GABRA3: variants seen among roughly 807,000 people sequenced by gnomAD.
GABRA3 encodes the protein gamma-aminobutyric acid type A receptor subunit alpha3, also known as gamma-aminobutyric acid receptor subunit alpha-3.
In GABRA3, 10 loss-of-function variants were observed where a neutral mutation model predicts 30.1. The observed-to-expected ratio is 0.33, with a 90% CI of 0.20 to 0.56. The LOEUF is 0.56. Ranked by LOEUF, GABRA3 falls within the 20% of genes least tolerant of loss-of-function variation. The pLI is 0.89. For synonymous variants in GABRA3, 151 were observed against 146.8 expected (o/e 1.03, Z -0.21); for missense variants, 233 against 392.0 (o/e 0.59, Z 3.42).
intron 5 of GABRA3, among the ~76,000 whole-genome samples, chrX:152,241,930 G>A (rs947288029): frequency 2.7e-5 from 3 of 111,504 alleles, no homozygotes; most frequent in African/African-American, 9.8e-5. Context: ...GATAAACCCG[G>A]TACCTCAGAT....
chrX:152,183,266 T>C (rs147208295), intron 9 of GABRA3, among the ~76,000 whole-genome samples: 6,389 of 110,399 alleles, frequency 0.058, 375 homozygotes, highest in African/African-American at 0.18. Flanking sequence ...GATATTCCAT[T>C]TCCTCATGAT....
intron 3 of GABRA3, among the ~76,000 whole-genome samples, chrX:152,291,710 T>A (rs1379627017): frequency 9.0e-6 from 1 of 111,631 alleles, no homozygotes; most frequent in Non-Finnish European, 1.9e-5. Flanking sequence ...TATTGAGAGT[T>A]TTTAGCATGA....
At chrX:152,445,034 C>A (rs1237462089) in intron 1 of GABRA3, among the ~76,000 whole-genome samples, 147 of 62,863 alleles carry the variant, frequency 2.3e-3, no homozygotes, top group African/African-American at 9.6e-3. Context: ...GCACTCCAGC[C>A]TGGGCAACAG....
chrX:152,270,255 T>TC (rs1192710551), intron 4 of GABRA3, among the ~76,000 whole-genome samples: 4 of 110,495 alleles, frequency 3.6e-5, no homozygotes, highest in Admixed American at 1.9e-4. Flanking sequence ...TAAGAGGCTT[T>TC]CCCCCCCTTT....
chrX:152,237,299 T>A (rs747115369), intron 5 of GABRA3, among the ~76,000 whole-genome samples: 4,625 of 109,285 alleles, frequency 0.042, 286 homozygotes, highest in African/African-American at 0.15. Context: ...AAAGATCAGA[T>A]AGTTGTAGAT....
At chrX:152,174,375 C>T (rs914354488) in intron 9 of GABRA3, among the ~76,000 whole-genome samples, 1 of 111,988 alleles carries the variant, frequency 8.9e-6, no homozygotes, top group East Asian at 2.8e-4. Context: ...CACTGACTTC[C>T]GCAATGGTTG....
chrX:152,202,741 C>T (rs1239362011), intron 7 of GABRA3, among the ~76,000 whole-genome samples: 1 of 111,858 alleles, frequency 8.9e-6, no homozygotes, highest in East Asian at 2.8e-4. Context: ...CATTTGGTTA[C>T]CTCATAGAGC....
intron 2 of GABRA3, among the ~76,000 whole-genome samples, chrX:152,347,735 A>G (rs1254936943): frequency 8.9e-6 from 1 of 111,938 alleles, no homozygotes; most frequent in Non-Finnish European, 1.9e-5. Context: ...CCTCCTGGTG[A>G]CTGTTGATAT....
intron 5 of GABRA3, among the ~76,000 whole-genome samples, chrX:152,229,615 G>A (rs1938028859): frequency 9.1e-6 from 1 of 109,961 alleles, no homozygotes; most frequent in Admixed American, 9.9e-5. Flanking sequence ...TGCCCAGGGT[G>A]CTCAAGAAAT....
chrX:152,362,280 C>T (rs1055275833), intron 2 of GABRA3, among the ~76,000 whole-genome samples: 30 of 109,450 alleles, frequency 2.7e-4, no homozygotes, highest in Non-Finnish European at 5.1e-4. Flanking sequence ...AAAGTCACTA[C>T]CAAGGAATAA....
At chrX:152,182,609 A>C (rs1270139593) in intron 9 of GABRA3, among the ~76,000 whole-genome samples, 17 of 41,079 alleles carry the variant, frequency 4.1e-4, no homozygotes, top group Non-Finnish European at 7.0e-4. Flanking sequence ...TATATACTAT[A>C]TATGCATATA....
At chrX:152,423,057 T>C (rs758973433) in intron 1 of GABRA3, among the ~76,000 whole-genome samples, 8 of 112,160 alleles carry the variant, frequency 7.1e-5, no homozygotes, top group Non-Finnish European at 1.3e-4. Context: ...ATGCTTGTAA[T>C]TATATTTTGA....
intron 1 of GABRA3, among the ~76,000 whole-genome samples, chrX:152,397,968 C>A (rs978018914): frequency 3.6e-5 from 4 of 112,034 alleles, no homozygotes; most frequent in African/African-American, 1.3e-4. Context: ...AATTGACACC[C>A]TCTAAGGCTA....
intron 3 of GABRA3, among the ~76,000 whole-genome samples, chrX:152,315,294 C>T (rs931722231): frequency 9.0e-6 from 1 of 111,247 alleles, no homozygotes. Flanking sequence ...GGAGCTGAGA[C>T]AATTTAGAGA....
chrX:152,256,049 C>G (rs1938631882), intron 4 of GABRA3, 51 bp from the exon 5 acceptor site: 2 of 913,604 alleles, frequency 2.2e-6, no homozygotes, highest in Non-Finnish European at 3.2e-6. Context: ...CTGGTAAGGG[C>G]TCATAGTGCC....
intron 1 of GABRA3, among the ~76,000 whole-genome samples, chrX:152,428,729 A>G (rs3902802): frequency 0.16 from 17,545 of 110,855 alleles, 1,061 homozygotes; most frequent in African/African-American, 0.22. Flanking sequence ...AAAATTGAGT[A>G]TTTACTTATT....
chrX:152,265,657 A>AAATAAATGAAACTTT (rs1938810477), intron 4 of GABRA3, among the ~76,000 whole-genome samples: 1 of 111,875 alleles, frequency 8.9e-6, no homozygotes, highest in Non-Finnish European at 1.9e-5. Context: ...ATCAGAGCAG[A>AAATAAATGAAACTTT]AATAAATGAA....
intron 9 of GABRA3, among the ~76,000 whole-genome samples, chrX:152,188,449 A>G (rs1937283712): frequency 9.0e-6 from 1 of 110,829 alleles, no homozygotes; most frequent in Non-Finnish European, 1.9e-5. Context: ...TGGTAGAGAG[A>G]AGGAGAGGTA....
intron 6 of GABRA3, 94 bp from the exon 7 acceptor site, chrX:152,208,238 C>A: frequency 2.1e-6 from 2 of 947,045 alleles, no homozygotes; most frequent in East Asian, 3.2e-5. Context: ...ATAAAACTTC[C>A]ATCTTCAAAG....
Sources: allele counts gnomAD v4.1 joint callset (sites outside exome capture counted in the v4.1 genomes callset), GRCh38; gene constraint gnomAD v4.1.1; transcripts MANE v1.5; gene names NCBI Gene and HGNC (gene_info 2026-07-23, HGNC 2026-07-21).